The following RAB5B variants were observed in gnomAD, a reference collection of about 807,000 sequenced individuals.
RAB5B encodes ras-related protein Rab-5B.
In RAB5B, 11 loss-of-function variants were observed where a neutral mutation model predicts 28.6. The observed-to-expected ratio is 0.38, with a 90% CI of 0.24 to 0.64. The LOEUF (loss-of-function observed/expected upper bound fraction) is 0.64, where lower values mean the gene tolerates loss of function less well. RAB5B is among the 30% of genes least tolerant of loss of function. The pLI is 0.53. For missense variants in RAB5B, 169 were observed against 265.6 expected (o/e 0.64, Z 2.53); for synonymous variants, 93 against 97.9 (o/e 0.95, Z 0.29).
rs1889573934 is a variant in RAB5B, at chr12:55,974,145, G to C, written c.-93+6G>C. 1 of 152,864 alleles carries C rather than the reference G, an allele frequency of 6.5e-6. No individual in the cohort carries two copies. Among genetic ancestry groups the C allele is most frequent in the Non-Finnish European group, 1.5e-5 (1 of 68,538 alleles). The allele number at this position is 152,864 out of a possible 1,614,324, so 9.5% of individuals were successfully genotyped here. A position where few individuals can be genotyped will look rare whatever the true frequency, so the allele number is the denominator to read the frequency against. On this transcript the variant is annotated splice_donor_region_variant and intron_variant, in intron 1 of 5. Coordinates refer to ENST00000360299, the MANE Select transcript of RAB5B (RefSeq NM_002868.4). ...CGGGGGAGACGGAGCCCCAGGTACC[G>C]AGCTGATGGAGCCCAAAGGGCAGGG...
rs1370697229 is a variant in RAB5B, at chr12:55,993,780, C to G, written c.*1568C>G. ...CCACAGAGGCCTCCTGTGGTGCCCT[C>G]GTATCATACCACCTGTTCCTGTGGA... On this transcript the variant is annotated 3_prime_UTR_variant, in exon 6 of 6. Coordinates refer to ENST00000360299, the MANE Select transcript of RAB5B (RefSeq NM_002868.4). 1 of 152,558 alleles carries G rather than the reference C, an allele frequency of 6.6e-6. No individual in the cohort carries two copies. The highest frequency in any genetic ancestry group is 1.9e-4 in the East Asian group (1 of 5,194). 9.5% of individuals were successfully genotyped at this position (152,558 alleles called of 1,614,324 possible).
intron 1 of RAB5B, among the ~76,000 whole-genome samples, chr12:55,978,504 AG>A (rs1410402640): frequency 4.0e-5 from 6 of 150,950 alleles, no homozygotes; most frequent in Non-Finnish European, 7.4e-5. Flanking sequence ...ACTCCGTCTC[AG>A]GAAAAAAAAA....
intron 2 of RAB5B, 106 bp downstream of exon 2, chr12:55,987,229 T>G (rs1435436816): frequency 1.8e-6 from 2 of 1,130,622 alleles, no homozygotes; most frequent in Non-Finnish European, 2.5e-6. Flanking sequence ...GGCGCAATCT[T>G]GGCTTACTGC....
rs1465098807 is a variant in RAB5B, at chr12:55,992,133, G to A, written c.569G>A (p.Gly190Glu). 3 of 1,606,442 alleles carry A rather than the reference G, an allele frequency of 1.9e-6. No individual in the cohort carries two copies. The highest frequency in any genetic ancestry group is 1.3e-5 in the African/African-American group (1 of 74,528). Residue 190 changes from glycine to glutamate, a missense_variant, in exon 6 of 6, where the codon GGA (glycine) becomes GAA (glutamate). Gly to Glu is a moderately conservative substitution (Grantham distance 98). Transcript: ENST00000360299. ...KLPKSEPQNLGGAAGRSRGVD... is the reference protein window; with the variant it reads ...KLPKSEPQNLEGAAGRSRGVD... ...CCAAAGAGTGAACCCCAGAATCTGG[G>A]AGGTGCAGCAGGCCGAAGCCGGGGT... is the stretch of plus-strand genomic sequence containing the variant.
At chr12:55,987,812 CAA>C (rs971083194) in intron 2 of RAB5B, among the ~76,000 whole-genome samples, 10 of 144,322 alleles carry the variant, frequency 6.9e-5, no homozygotes, top group East Asian at 4.1e-4. Context: ...CCCTGGGCGA[CAA>C]GAGCAAAACT....
Position 55,996,003 on chromosome 12 carries a change from A to ATATATATATATATTTTTTTTTTTTTTTT in RAB5B, c.*3792_*3793insATATATATATATTTTTTTTTTTTTTTTT. The ATATATATATATATTTTTTTTTTTTTTTT allele has an allele frequency of 1.0e-5, 1 of 97,408 alleles. No homozygotes were observed. Among genetic ancestry groups the ATATATATATATATTTTTTTTTTTTTTTT allele is most frequent in the African/African-American group, 4.7e-5 (1 of 21,150 alleles). The allele number at this position is 97,408 out of a possible 1,614,324, so 6.0% of individuals were successfully genotyped here. On this transcript the variant is annotated 3_prime_UTR_variant, in exon 6 of 6. Coordinates refer to ENST00000360299, the MANE Select transcript of RAB5B (RefSeq NM_002868.4). ...TATATACATATATATATATATATAT[A>ATATATATATATATTTTTTTTTTTTTTTT]TTTTTTTTTTAACAACTGGTAGGAT...
chr12:55,991,835 G>T, intron 5 of RAB5B: 1 of 447,044 alleles, frequency 2.2e-6, no homozygotes, highest in East Asian at 4.6e-5. Context: ...GCTGAGCCAG[G>T]ATAATCACTT....
At position 55,992,568 on chromosome 12, in the gene RAB5B, C is replaced by T. The variant is rs1890167416; in HGVS notation, c.*356C>T. On this transcript the variant is annotated 3_prime_UTR_variant, in exon 6 of 6. Coordinates refer to ENST00000360299, the MANE Select transcript of RAB5B (RefSeq NM_002868.4). The stretch of plus-strand genomic sequence containing the variant: ...CCATTTTTTCAGAAAACACTTCTGA[C>T]TCCTGTCCCTTCCCCTTCTGCTTTT... 6.4e-6 allele frequency: 3 copies of T among 470,960 alleles called. No homozygotes were observed. Among genetic ancestry groups the T allele is most frequent in the African/African-American group, 2.0e-5 (1 of 50,680 alleles). The allele number at this position is 470,960 out of a possible 1,614,324, so 29.2% of individuals were successfully genotyped here. A position where few individuals can be genotyped will look rare whatever the true frequency, so the allele number is the denominator to read the frequency against.
rs935653304 is a variant in RAB5B, at chr12:55,987,000, C to G, written c.40C>G (p.Gln14Glu). 2 of 1,613,206 alleles carry G rather than the reference C, an allele frequency of 1.2e-6. No homozygotes were observed. The highest frequency in any genetic ancestry group is 2.7e-5 in the African/African-American group (2 of 74,644). ...CACAGCTAGGCCCAATGGGCAACCC[C>G]AGGCCAGCAAAATTTGCCAGTTCAA... is the stretch of plus-strand genomic sequence containing the variant. ...RSTARPNGQP[Q>E]ASKICQFKLV... Residue 14 changes from glutamine to glutamate, a missense_variant, in exon 2 of 6, where the codon CAG becomes GAG. By Grantham distance (29) the Gln-to-Glu change is conservative (BLOSUM62 2). Coordinates refer to ENST00000360299, the MANE Select transcript of RAB5B (RefSeq NM_002868.4).
chr12:55,978,433 G>C (rs919823650), intron 1 of RAB5B, among the ~76,000 whole-genome samples: 1 of 152,088 alleles, frequency 6.6e-6, no homozygotes, highest in African/African-American at 2.4e-5. Context: ...GAACCTGGGA[G>C]GCAGAGCTTG....
At chr12:55,977,432 C>T (rs561415301) in intron 1 of RAB5B, among the ~76,000 whole-genome samples, 1 of 152,086 alleles carries the variant, frequency 6.6e-6, no homozygotes, top group Non-Finnish European at 1.5e-5. Context: ...TTCCCATTGC[C>T]CTTCAAGTCA....
chr12:55,979,638 A>G (rs538846200), intron 1 of RAB5B, among the ~76,000 whole-genome samples: 20 of 152,300 alleles, frequency 1.3e-4, no homozygotes, highest in Admixed American at 1.2e-3. Flanking sequence ...GACCTTCTAG[A>G]AAAGAGTAGT....
intron 1 of RAB5B, among the ~76,000 whole-genome samples, chr12:55,981,573 G>A (rs1565786491): frequency 6.6e-6 from 1 of 151,908 alleles, no homozygotes; most frequent in Non-Finnish European, 1.5e-5. Flanking sequence ...TTTGGTTTAG[G>A]GACTCAAAGC....
In RAB5B at chr12:55,992,254, G is replaced by A. The variant is rs1890154645; in HGVS notation, c.*42G>A. 1 of 1,508,098 alleles carries A rather than the reference G, an allele frequency of 6.6e-7. No homozygotes were observed. Among genetic ancestry groups the A allele is most frequent in the Non-Finnish European group, 9.2e-7 (1 of 1,086,430 alleles). 93.4% of individuals were successfully genotyped at this position (1,508,098 alleles called of 1,614,324 possible). The stretch of plus-strand genomic sequence containing the variant: ...AAACAAGTATGGAGCTAGCACAAGA[G>A]CTAAGAAATAACCTCCATCCCTACC... On this transcript the variant is annotated 3_prime_UTR_variant, in exon 6 of 6. Transcript: ENST00000360299.
At chr12:55,991,293 G>A (rs930229410) in intron 4 of RAB5B, 67 bp from the exon 5 acceptor site, 1 of 1,223,336 alleles carries the variant, frequency 8.2e-7, no homozygotes. Flanking sequence ...TGTGCTGCAT[G>A]GGAGTGGAAA....
chr12:55,986,714 T>A (rs1258834844), intron 1 of RAB5B, among the ~76,000 whole-genome samples, 155 bp from the exon 2 acceptor site: 2 of 152,170 alleles, frequency 1.3e-5, no homozygotes, highest in Non-Finnish European at 2.9e-5. Flanking sequence ...ATTTTGCTCT[T>A]CCCAACTCTT....
intron 2 of RAB5B, among the ~76,000 whole-genome samples, chr12:55,989,666 G>A (rs2136488167): frequency 6.6e-6 from 1 of 152,310 alleles, no homozygotes; most frequent in Non-Finnish European, 1.5e-5. Flanking sequence ...TTAGAAGAAG[G>A]ATGACTCGTA....
chr12:55,990,912 C>G, intron 4 of RAB5B, 108 bp downstream of exon 4: 1 of 1,382,322 alleles, frequency 7.2e-7, no homozygotes, highest in Admixed American at 1.9e-5. Context: ...TTCATTGTCT[C>G]ATTCCCCAGT....
intron 1 of RAB5B, among the ~76,000 whole-genome samples, chr12:55,976,151 T>G (rs576993765): frequency 6.6e-6 from 1 of 152,306 alleles, no homozygotes; most frequent in Admixed American, 6.5e-5. Context: ...ACATACCTTA[T>G]TCATATTTCA....
Sources: allele counts gnomAD v4.1 joint callset (sites outside exome capture counted in the v4.1 genomes callset), GRCh38; gene constraint gnomAD v4.1.1; transcripts MANE v1.5; gene names NCBI Gene and HGNC (gene_info 2026-07-23, HGNC 2026-07-21).